PXDNL: variants seen among roughly 807,000 people sequenced by gnomAD.
PXDNL encodes the protein probable oxidoreductase PXDNL.
PXDNL carries 145 observed loss-of-function variants against 150.8 expected under a neutral mutation model. The ratio of observed to expected loss-of-function variants is 0.96; its 90% CI spans 0.84 to 1.10. PXDNL has a LOEUF of 1.10. PXDNL is among the 50% of genes least tolerant of loss of function. The pLI is 0.00. For missense variants in PXDNL, 2,087 were observed against 1,873.9 expected (o/e 1.11, Z -2.10); for synonymous variants, 757 against 725.7 (o/e 1.04, Z -0.69).
At chr8:51,585,563 A>G (rs920451993) in intron 3 of PXDNL, among the ~76,000 whole-genome samples, 7 of 152,128 alleles carry the variant, frequency 4.6e-5, no homozygotes, top group African/African-American at 1.7e-4. Flanking sequence ...TATGTTTAAC[A>G]ACATGAGTGG....
intron 15 of PXDNL, among the ~76,000 whole-genome samples, chr8:51,412,942 T>G (rs1808693115): frequency 6.6e-6 from 1 of 152,198 alleles, no homozygotes; most frequent in African/African-American, 2.4e-5. Flanking sequence ...TTGGCATAAA[T>G]TAATGCCATT....
At position 51,643,836 on chromosome 8, in the gene PXDNL, C is replaced by G. The variant is rs1470940540; in HGVS notation, c.236+10853G>C. Among the ~76,000 whole-genome samples, 7 of 152,164 alleles carry G rather than the reference C, an allele frequency of 4.6e-5. No homozygotes were observed. The East Asian group carries it at 1.4e-3, about 30-fold the overall frequency. ...AGCCAGAATCTAGAAAGAACTCAAA[C>G]AAATTTACAAGAAAAAAACAACCCC... is the stretch of plus-strand genomic sequence containing the variant. On this transcript the variant is annotated intron_variant, in intron 2 of 22. Transcript: ENST00000356297.
In PXDNL at chr8:51,409,275, G is replaced by T. The variant is rs376832376; in HGVS notation, c.2349C>A (p.Val783=). 3.3e-4 allele frequency: 481 copies of T among 1,438,008 alleles called. 1 individual carries two copies. The African/African-American group carries it at 6.2e-3, about 19-fold the overall frequency. 89.1% of individuals were successfully genotyped at this position (1,438,008 alleles called of 1,614,324 possible). A position where few individuals can be genotyped will look rare whatever the true frequency, so the allele number is the denominator to read the frequency against. ...SRQPLPPPRL[V]ATVWARAAAV... is the part of the protein sequence containing the mutation. ...CCGCCGCGCGCGCCCACACTGTGGC[G>T]ACCAGCCGGGGCGGCGGGAGGGGCT... Residue 783 remains valine (V), a synonymous_variant, in exon 17 of 23, where the codon GTC becomes GTA. Transcript: ENST00000356297.
chr8:51,774,541 G>C (rs2037331223), intron 1 of PXDNL, among the ~76,000 whole-genome samples: 1 of 152,160 alleles, frequency 6.6e-6, no homozygotes, highest in East Asian at 1.9e-4. Flanking sequence ...TTAGGGGGCT[G>C]AGCACAGTGG....
chr8:51,441,805 G>A (rs1361833801), intron 12 of PXDNL, among the ~76,000 whole-genome samples: 1 of 152,188 alleles, frequency 6.6e-6, no homozygotes, highest in Non-Finnish European at 1.5e-5. Flanking sequence ...GCTGGGGTTG[G>A]TTCTAAGAGG....
chr8:51,372,057 T>C lies in PXDNL; in HGVS notation c.3717A>G (p.Val1239=). Residue 1239 remains valine, a synonymous_variant, in exon 19 of 23, where the codon GTA becomes GTG. Transcript: ENST00000356297. ...GCTGAGTGAGTTGTGCCGGGGTAAA[T>C]ACTCCAGGGTTTTCATACCAGAACC... ...GDRFWYENPG[V]FTPAQLTQLK... is the part of the protein sequence containing the mutation. The C allele has an allele frequency of 6.3e-7, 1 of 1,597,266 alleles. No homozygotes were observed. The highest frequency in any genetic ancestry group is 8.5e-7 in the Non-Finnish European group (1 of 1,171,686).
At chr8:51,783,763 G>T (rs954669148) in intron 1 of PXDNL, among the ~76,000 whole-genome samples, 2 of 152,138 alleles carry the variant, frequency 1.3e-5, no homozygotes, top group Admixed American at 6.5e-5. Context: ...TGAAAGGGGC[G>T]TATTAGCCAG....
chr8:51,521,805 A>G (rs1457916913), intron 4 of PXDNL, among the ~76,000 whole-genome samples: 1 of 152,192 alleles, frequency 6.6e-6, no homozygotes, highest in Non-Finnish European at 1.5e-5. Context: ...AGGAACAAGG[A>G]TAAGAATTAC....
chr8:51,583,088 T>G (rs1229445206), intron 3 of PXDNL, among the ~76,000 whole-genome samples: 1 of 152,206 alleles, frequency 6.6e-6, no homozygotes, highest in Non-Finnish European at 1.5e-5. Flanking sequence ...AAGTAAATTT[T>G]GTGAGTGAAT....
chr8:51,712,179 AT>A (rs959277141), intron 1 of PXDNL, among the ~76,000 whole-genome samples: 11 of 150,720 alleles, frequency 7.3e-5, no homozygotes, highest in East Asian at 3.9e-4. Flanking sequence ...CAGTTCTTTG[AT>A]TTTTTTTTTC....
chr8:51,602,925 A>C (rs1331031837), intron 2 of PXDNL, among the ~76,000 whole-genome samples: 1 of 151,494 alleles, frequency 6.6e-6, no homozygotes, highest in East Asian at 1.9e-4. Flanking sequence ...GCTTTCCTGA[A>C]TCTAAGATTA....
intron 14 of PXDNL, among the ~76,000 whole-genome samples, chr8:51,413,821 G>T (rs1425509734): frequency 6.6e-6 from 1 of 152,086 alleles, no homozygotes; most frequent in Non-Finnish European, 1.5e-5. Flanking sequence ...CCAGGCTATT[G>T]AATCTTCTTC....
chr8:51,458,757 T>G (rs1362503337), intron 8 of PXDNL, among the ~76,000 whole-genome samples: 1 of 152,220 alleles, frequency 6.6e-6, no homozygotes, highest in Non-Finnish European at 1.5e-5. Flanking sequence ...GTAAAAACAG[T>G]AAAGTTTGTT....
chr8:51,327,203 T>G (rs11997549), intron 21 of PXDNL, among the ~76,000 whole-genome samples: 2,891 of 152,292 alleles, frequency 0.019, 95 homozygotes, highest in African/African-American at 0.062. Flanking sequence ...CAATCCTCCT[T>G]GTTGCCATAA....
intron 1 of PXDNL, among the ~76,000 whole-genome samples, chr8:51,675,509 G>T (rs77366079): frequency 0.026 from 3,926 of 152,080 alleles, 189 homozygotes; most frequent in African/African-American, 0.09. Flanking sequence ...AATTGCCCAG[G>T]CTTGGCCAGA....
intron 1 of PXDNL, among the ~76,000 whole-genome samples, chr8:51,703,122 T>C (rs1275178569): frequency 6.6e-6 from 1 of 152,184 alleles, no homozygotes; most frequent in Admixed American, 6.5e-5. Flanking sequence ...TGTGCAAAGC[T>C]GCTGAACCCA....
intron 1 of PXDNL, among the ~76,000 whole-genome samples, chr8:51,694,133 G>A (rs1400686561): frequency 6.6e-6 from 1 of 152,140 alleles, no homozygotes; most frequent in Non-Finnish European, 1.5e-5. Context: ...CGAGGTGGGC[G>A]GATCACTTGA....
At chr8:51,332,131 C>A (rs570204543) in intron 21 of PXDNL, among the ~76,000 whole-genome samples, 1 of 152,262 alleles carries the variant, frequency 6.6e-6, no homozygotes, top group Admixed American at 6.5e-5. Flanking sequence ...CTGAGAGACC[C>A]ATAGAGAGTT....
chr8:51,618,699 T>C (rs1814178573), intron 2 of PXDNL, among the ~76,000 whole-genome samples: 1 of 152,130 alleles, frequency 6.6e-6, no homozygotes, highest in South Asian at 2.1e-4. Context: ...TGAGGAACAG[T>C]GACTGACATT....
Sources: allele counts gnomAD v4.1 joint callset (sites outside exome capture counted in the v4.1 genomes callset), GRCh38; gene constraint gnomAD v4.1.1; transcripts MANE v1.5; gene names NCBI Gene and HGNC (gene_info 2026-07-23, HGNC 2026-07-21).